CCKBR: variants seen among roughly 807,000 people sequenced by gnomAD.
CCKBR encodes the protein gastrin/cholecystokinin type B receptor.
A neutral mutation model predicts 34.6 loss-of-function variants in CCKBR; 33 were observed. The observed-to-expected ratio is 0.95, with a 90% CI of 0.72 to 1.27. The LOEUF is 1.27. CCKBR is among the 50% of genes most tolerant of loss of function. The pLI is 0.00. For missense variants in CCKBR, 652 were observed against 617.4 expected (o/e 1.06, Z -0.59); for synonymous variants, 269 against 267.5 (o/e 1.01, Z -0.06).
chr11:6,264,452 A>G (rs568038156), intron 1 of CCKBR: 2 of 648,006 alleles, frequency 3.1e-6, no homozygotes, highest in East Asian at 2.8e-5. Flanking sequence ...TTTTGCACTC[A>G]TACTTCTCTG....
At chr11:6,270,533 A>C in intron 3 of CCKBR, 113 bp from the exon 4 acceptor site, 1 of 1,396,168 alleles carries the variant, frequency 7.2e-7, no homozygotes. Flanking sequence ...CCCAAATCCT[A>C]CTCCTACTTC....
Position 6,271,275 on chromosome 11 carries a change from A to G in CCKBR, c.1076A>G (p.Asp359Gly), listed in dbSNP as rs748476238. The change falls in exon 5 of 5, where the codon GAT (aspartate) becomes GGT (glycine). Residue 359 changes from aspartate (D) to glycine (G), a missense_variant. By Grantham distance (94) the Asp-to-Gly change is moderately conservative. Transcript: ENST00000334619. ...AGTGCCAACACGTGGCGCGCCTTTG[A>G]TGGCCCGGGTGCACACCGAGCACTC... ...VYSANTWRAF[D>G]GPGAHRALSG... 25 of 1,613,982 alleles carry G rather than the reference A, an allele frequency of 1.5e-5. No individual in the cohort carries two copies. The highest frequency in any genetic ancestry group is 1.9e-5 in the Non-Finnish European group (23 of 1,180,010).
intron 1 of CCKBR, among the ~76,000 whole-genome samples, chr11:6,261,210 C>T (rs537873237): frequency 9.8e-4 from 149 of 151,726 alleles, no homozygotes; most frequent in African/African-American, 3.3e-3. Context: ...TGAACAAAAC[C>T]GACACAATTC....
At chr11:6,264,168 C>T (rs1346000619) in intron 1 of CCKBR, among the ~76,000 whole-genome samples, 2 of 152,244 alleles carry the variant, frequency 1.3e-5, no homozygotes, top group South Asian at 2.1e-4. Context: ...CCAACACTCA[C>T]TCTGATATTA....
At chr11:6,261,104 T>C (rs1848122079) in intron 1 of CCKBR, among the ~76,000 whole-genome samples, 1 of 152,162 alleles carries the variant, frequency 6.6e-6, no homozygotes, top group African/African-American at 2.4e-5. Flanking sequence ...TAATCTATGC[T>C]TTCTCAGCCG....
chr11:6,265,322 A>G (rs1052362731), intron 1 of CCKBR, among the ~76,000 whole-genome samples: 3 of 152,194 alleles, frequency 2.0e-5, no homozygotes, highest in African/African-American at 7.2e-5. Context: ...CATATTGCAA[A>G]CTTTATAAGG....
chr11:6,264,962 G>C (rs1354484082), intron 1 of CCKBR, among the ~76,000 whole-genome samples: 10 of 152,158 alleles, frequency 6.6e-5, no homozygotes, highest in African/African-American at 2.4e-4. Context: ...AAATTCTAGA[G>C]TTTACATTAG....
At chr11:6,261,371 T>C (rs2133893346) in intron 1 of CCKBR, among the ~76,000 whole-genome samples, 1 of 148,298 alleles carries the variant, frequency 6.7e-6, no homozygotes, top group East Asian at 2.0e-4. Flanking sequence ...AAAGTTGGCC[T>C]CTTGAGGAAA....
At chr11:6,269,206 G>A (rs1848254770) in intron 1 of CCKBR, among the ~76,000 whole-genome samples, 1 of 146,110 alleles carries the variant, frequency 6.8e-6, no homozygotes, top group African/African-American at 2.6e-5. Context: ...ATGATCTGAT[G>A]TGATTCAAAA....
intron 1 of CCKBR, among the ~76,000 whole-genome samples, chr11:6,260,282 C>T (rs1046953136): frequency 1.4e-4 from 22 of 151,966 alleles, no homozygotes; most frequent in African/African-American, 5.1e-4. Context: ...ACCACCTGGT[C>T]GGAACTCCTT....
chr11:6,269,828 C>G lies in CCKBR; in HGVS notation c.311C>G (p.Ala104Gly). ...LSLAVSDLLL[A>G]VACMPFTLLP... Reference sequence around the variant, plus strand: ...CTGGCAGTCAGCGACCTCCTGCTGGCTGTGGCTTGCATGCCCTTCACCCTC... The same window carrying G: ...CTGGCAGTCAGCGACCTCCTGCTGGGTGTGGCTTGCATGCCCTTCACCCTC... Residue 104 changes from alanine (A) to glycine (G), a missense_variant, in exon 2 of 5, where the codon GCT becomes GGT. Transcript: ENST00000334619. The G allele has an allele frequency of 6.2e-7, 1 of 1,614,192 alleles. No individual in the cohort carries two copies. Among genetic ancestry groups the G allele is most frequent in the Non-Finnish European group, 8.5e-7 (1 of 1,180,028 alleles).
Position 6,259,870 on chromosome 11 carries a change from G to A in CCKBR, c.-59G>A. The A allele has an allele frequency of 7.4e-7, 1 of 1,344,734 alleles. No homozygotes were observed. Among genetic ancestry groups the A allele is most frequent in the South Asian group, 1.7e-5 (1 of 57,504 alleles). 83.3% of individuals were successfully genotyped at this position (1,344,734 alleles called of 1,614,324 possible). Reference sequence around the variant, plus strand: ...GCCGGAATCGCAGCGTGAGCAGGTGGAGCCGCGTTGGGAGCCCGCCGGGTC... The same window carrying A: ...GCCGGAATCGCAGCGTGAGCAGGTGAAGCCGCGTTGGGAGCCCGCCGGGTC... On this transcript the variant is annotated 5_prime_UTR_variant, in exon 1 of 5. Transcript: ENST00000334619.
At position 6,271,535 on chromosome 11, in the gene CCKBR, C is replaced by A; in HGVS notation, c.1336C>A (p.Pro446Thr). The A allele has an allele frequency of 1.3e-6, 2 of 1,592,718 alleles. No individual in the cohort carries two copies. The highest frequency in any genetic ancestry group is 1.7e-6 in the Non-Finnish European group (2 of 1,169,130). ...CTACACCACCATCAGCACACTGGGC[C>A]CTGGCTGAGGAGTAGAGGGGCCGTG... ...LSYTTISTLGPG is the reference protein window; with the variant it reads ...LSYTTISTLGTG Residue 446 changes from proline to threonine, a missense_variant, in exon 5 of 5, where the codon CCT becomes ACT. Coordinates refer to ENST00000334619, the MANE Select transcript of CCKBR (RefSeq NM_176875.4).
At chr11:6,265,076 TC>T (rs1450883224) in intron 1 of CCKBR, among the ~76,000 whole-genome samples, 4 of 152,184 alleles carry the variant, frequency 2.6e-5, no homozygotes, top group African/African-American at 9.7e-5. Context: ...GCCCTAAAAA[TC>T]CCCTGTACTT....
Position 6,269,778 on chromosome 11 carries a change from T to C in CCKBR, c.261T>C (p.Thr87=), listed in dbSNP as rs1848264790. The change falls in exon 2 of 5, where the codon ACT becomes ACC. Residue 87 remains threonine, a synonymous_variant. Coordinates refer to ENST00000334619, the MANE Select transcript of CCKBR (RefSeq NM_176875.4). ...VVLGLSRRLR[T]VTNAFLLSLA... ...TGGGACTGAGCCGCCGCCTGAGGAC[T>C]GTCACCAATGCCTTCCTCCTCTCAC... is the stretch of plus-strand genomic sequence containing the variant. 8.1e-6 allele frequency: 13 copies of C among 1,614,080 alleles called. No individual in the cohort carries two copies. Among genetic ancestry groups the C allele is most frequent in the Non-Finnish European group, 1.1e-5 (13 of 1,180,038 alleles).
rs201473959 is a variant in CCKBR, at chr11:6,271,625, T to G, written c.*82T>G. 39 of 1,369,454 alleles carry G rather than the reference T, an allele frequency of 2.8e-5. No homozygotes were observed. Among genetic ancestry groups the G allele is most frequent in the Non-Finnish European group, 3.4e-5 (35 of 1,023,538 alleles). The allele number at this position is 1,369,454 out of a possible 1,614,324, so 84.8% of individuals were successfully genotyped here. A position where few individuals can be genotyped will look rare whatever the true frequency, so the allele number is the denominator to read the frequency against. On this transcript the variant is annotated 3_prime_UTR_variant, in exon 5 of 5. Transcript: ENST00000334619. The stretch of plus-strand genomic sequence containing the variant: ...AGACATACGAAACACAAACCACAAC[T>G]GACACAGGAAACCAACACCCAAAGC...
chr11:6,262,686 AAGAG>A (rs57265861), intron 1 of CCKBR, among the ~76,000 whole-genome samples: 8,773 of 119,230 alleles, frequency 0.074, 423 homozygotes, highest in African/African-American at 0.14. Context: ...TAGGCAAAGA[AAGAG>A]AGAGAGAGAG....
Position 6,259,854 on chromosome 11 carries a change from G to C in CCKBR, c.-75G>C, listed in dbSNP as rs1848099074. 1.8e-5 allele frequency: 22 copies of C among 1,243,608 alleles called. No individual in the cohort carries two copies. The South Asian group carries it at 4.0e-4, about 23-fold the overall frequency. 77.0% of individuals were successfully genotyped at this position (1,243,608 alleles called of 1,614,324 possible). ...GGCGGCGGGAGCCTGAGCCGGAATCGCAGCGTGAGCAGGTGGAGCCGCGTT... is the reference window on the plus strand; with the variant it reads ...GGCGGCGGGAGCCTGAGCCGGAATCCCAGCGTGAGCAGGTGGAGCCGCGTT... On this transcript the variant is annotated 5_prime_UTR_variant, in exon 1 of 5. Coordinates refer to ENST00000334619, the MANE Select transcript of CCKBR (RefSeq NM_176875.4).
chr11:6,262,680 CAAAG>C lies in CCKBR; in HGVS notation c.151+2607_151+2610del, dbSNP rs1311669329. On this transcript the variant is annotated intron_variant, in intron 1 of 4. Transcript: ENST00000334619. ...CAAAACTTTCAAGAAGTCTGGTAGGCAAAGAAAGAGAGAGAGAGAGAGAGAGAGA... is the reference window on the plus strand; with the variant it reads ...CAAAACTTTCAAGAAGTCTGGTAGGCAAAGAGAGAGAGAGAGAGAGAGAGA... Among the ~76,000 whole-genome samples the C allele has an allele frequency of 2.3e-3, 208 of 91,422 alleles. 1 individual carries two copies. Among genetic ancestry groups the C allele is most frequent in the Admixed American group, 4.1e-3 (32 of 7,742 alleles). 60.0% of individuals were successfully genotyped at this position (91,422 alleles called of 152,430 possible).
Sources: gnomAD v4.1 joint callset for allele counts (sites outside exome capture counted in the v4.1 genomes callset) on GRCh38, gnomAD v4.1.1 for gene constraint, MANE v1.5 for transcripts, NCBI Gene and HGNC (gene_info 2026-07-23, HGNC 2026-07-21) for gene names.